ZFYVE9: variants seen among roughly 807,000 people sequenced by gnomAD.
ZFYVE9 encodes the protein zinc finger FYVE domain-containing protein 9.
In ZFYVE9, 43 loss-of-function variants were observed where a neutral mutation model predicts 126.7. The observed-to-expected ratio is 0.34, with a 90% CI of 0.27 to 0.44. The LOEUF (loss-of-function observed/expected upper bound fraction) is 0.44, where lower values mean the gene tolerates loss of function less well. ZFYVE9 is among the 20% of genes least tolerant of loss of function. The pLI is 1.00. For synonymous variants in ZFYVE9, 521 were observed against 597.4 expected, an observed-to-expected ratio of 0.87 and a Z score of 1.87; for missense variants, 1,476 against 1,697.0, an observed-to-expected ratio of 0.87 and a Z score of 2.29.
chr1:52,167,020 A>C (rs1395934555), intron 1 of ZFYVE9, among the ~76,000 whole-genome samples: 1 of 152,288 alleles, frequency 6.6e-6, no homozygotes, highest in Non-Finnish European at 1.5e-5. Context: ...TTATGTATTG[A>C]ATATGATTCC....
At position 52,340,915 on chromosome 1, in the gene ZFYVE9, A is replaced by C. The variant is rs1308927885; in HGVS notation, c.3939+684A>C. On this transcript the variant is annotated intron_variant, in intron 17 of 18. Transcript: ENST00000287727. Reference sequence around the variant, plus strand: ...GCAAGACTCCGTCTCAAAAAAAAAAAAAAAAAAAAAAAAAAAAACTAGGCC... The same window carrying C: ...GCAAGACTCCGTCTCAAAAAAAAAACAAAAAAAAAAAAAAAAAACTAGGCC... 3.8e-4 allele frequency among the ~76,000 whole-genome samples: 50 copies of C among 131,528 alleles called. 1 individual carries two copies. Among genetic ancestry groups the C allele is most frequent in the African/African-American group, 7.4e-4 (18 of 24,176 alleles). The allele number at this position is 131,528 out of a possible 152,430, so 86.3% of individuals were successfully genotyped here. A position where few individuals can be genotyped will look rare whatever the true frequency, so the allele number is the denominator to read the frequency against.
intron 2 of ZFYVE9, among the ~76,000 whole-genome samples, chr1:52,221,638 C>T (rs566906972): frequency 1.3e-5 from 2 of 152,132 alleles, no homozygotes; most frequent in Non-Finnish European, 2.9e-5. Context: ...TTCGGGCCAT[C>T]CACGGGTTAC....
At chr1:52,280,963 A>G (rs1430966552) in intron 9 of ZFYVE9, among the ~76,000 whole-genome samples, 1 of 152,156 alleles carries the variant, frequency 6.6e-6, no homozygotes, top group Non-Finnish European at 1.5e-5. Flanking sequence ...TTTTTAAAAT[A>G]TAAAGGTGGA....
chr1:52,290,628 A>G (rs1325092828), intron 10 of ZFYVE9, among the ~76,000 whole-genome samples: 5 of 152,144 alleles, frequency 3.3e-5, no homozygotes, highest in Admixed American at 2.0e-4. Context: ...TAAAGAAGCA[A>G]TGGTAAATTT....
chr1:52,334,626 A>G (rs1335269194), intron 14 of ZFYVE9, 62 bp from the exon 15 acceptor site: 5 of 1,528,104 alleles, frequency 3.3e-6, no homozygotes. Context: ...ATATTTTGTT[A>G]TTATTTTCAA....
At chr1:52,308,893 A>G (rs1202649016) in intron 13 of ZFYVE9, among the ~76,000 whole-genome samples, 1 of 152,244 alleles carries the variant, frequency 6.6e-6, no homozygotes, top group African/African-American at 2.4e-5. Flanking sequence ...ACACCCTAGT[A>G]CGGAGTGGGT....
chr1:52,252,082 A>G (rs528232441), intron 4 of ZFYVE9: 11 of 166,162 alleles, frequency 6.6e-5, no homozygotes, highest in Non-Finnish European at 1.1e-4. Context: ...TTGACATTCT[A>G]GTAAATCTTT....
chr1:52,165,359 GT>G (rs1644503295), intron 1 of ZFYVE9, among the ~76,000 whole-genome samples: 2 of 152,162 alleles, frequency 1.3e-5, no homozygotes, highest in Non-Finnish European at 1.5e-5. Context: ...AAGGCAAGTG[GT>G]TTGGTGGAGG....
At chr1:52,217,747 G>C (rs1645085394) in intron 2 of ZFYVE9, among the ~76,000 whole-genome samples, 1 of 152,208 alleles carries the variant, frequency 6.6e-6, no homozygotes, top group Admixed American at 6.5e-5. Flanking sequence ...TGATTTGCTA[G>C]GGTGGTAAGG....
chr1:52,344,165 G>C (rs1158430996), intron 17 of ZFYVE9, among the ~76,000 whole-genome samples: 3 of 152,028 alleles, frequency 2.0e-5, no homozygotes, highest in Non-Finnish European at 4.4e-5. Context: ...TAGGTCATCA[G>C]TTCCAAGTGT....
intron 10 of ZFYVE9, among the ~76,000 whole-genome samples, chr1:52,289,700 C>G (rs947743417): frequency 2.4e-4 from 37 of 152,266 alleles, no homozygotes; most frequent in Admixed American, 1.3e-3. Flanking sequence ...TTGCCAATAT[C>G]TACACCTGTG....
At position 52,313,701 on chromosome 1, in the gene ZFYVE9, C is replaced by G. The variant is rs148242430; in HGVS notation, c.3438+9776C>G. 1.5e-3 allele frequency among the ~76,000 whole-genome samples: 230 copies of G among 152,230 alleles called. 1 individual carries two copies. Among genetic ancestry groups the G allele is most frequent in the South Asian group, 0.013 (62 of 4,824 alleles). ...AAATTATGTACAGATTCAAACTGCT[C>G]TGATCCTACCTAATAAGCTTTAAAG... On this transcript the variant is annotated intron_variant, in intron 13 of 18. Coordinates refer to ENST00000287727, the MANE Select transcript of ZFYVE9 (RefSeq NM_004799.4).
chr1:52,288,925 C>CAAAAAAAAA (rs775138803), intron 10 of ZFYVE9, among the ~76,000 whole-genome samples: 1 of 62,030 alleles, frequency 1.6e-5, no homozygotes, highest in African/African-American at 5.5e-5. Flanking sequence ...GACTCTGTCT[C>CAAAAAAAAA]AAAAAAAAAA....
chr1:52,165,923 GCT>G (rs1055185062), intron 1 of ZFYVE9, among the ~76,000 whole-genome samples: 1 of 152,072 alleles, frequency 6.6e-6, no homozygotes, highest in African/African-American at 2.4e-5. Context: ...ATCCTACTTA[GCT>G]CCTCTTCTTT....
intron 7 of ZFYVE9, among the ~76,000 whole-genome samples, chr1:52,270,489 C>T (rs1348716173): frequency 1.3e-5 from 2 of 152,066 alleles, no homozygotes; most frequent in African/African-American, 4.8e-5. Context: ...TGGTCTCGAT[C>T]TCCTGACCTC....
At chr1:52,301,772 C>G (rs1249264753) in intron 12 of ZFYVE9, among the ~76,000 whole-genome samples, 1 of 152,174 alleles carries the variant, frequency 6.6e-6, no homozygotes, top group African/African-American at 2.4e-5. Flanking sequence ...CCCCTTCTCT[C>G]CCTGAAGGAG....
At chr1:52,176,486 A>C (rs1174813580) in intron 1 of ZFYVE9, among the ~76,000 whole-genome samples, 1 of 152,136 alleles carries the variant, frequency 6.6e-6, no homozygotes, top group African/African-American at 2.4e-5. Context: ...TCAGATCTCC[A>C]CCTGTGTGCT....
chr1:52,289,530 T>A (rs1207510330), intron 10 of ZFYVE9, among the ~76,000 whole-genome samples: 1 of 152,236 alleles, frequency 6.6e-6, no homozygotes, highest in Non-Finnish European at 1.5e-5. Context: ...GGGGTATATA[T>A]AAAATTAGTT....
chr1:52,271,367 A>G lies in ZFYVE9; in HGVS notation c.2625+2735A>G, dbSNP rs554104697. On this transcript the variant is annotated intron_variant, in intron 7 of 18. Coordinates refer to ENST00000287727, the MANE Select transcript of ZFYVE9 (RefSeq NM_004799.4). ...AAATATTAATATTTTTCTTATTTTT[A>G]TGGTCTAGTAGAGTGCCTGGCACTT... 5.5e-4 allele frequency among the ~76,000 whole-genome samples: 84 copies of G among 152,292 alleles called. 1 individual carries two copies. Among genetic ancestry groups the G allele is most frequent in the Admixed American group, 5.5e-3 (84 of 15,290 alleles).
Sources: gnomAD v4.1 joint callset for allele counts (sites outside exome capture counted in the v4.1 genomes callset) on GRCh38, gnomAD v4.1.1 for gene constraint, MANE v1.5 for transcripts, NCBI Gene and HGNC (gene_info 2026-07-23, HGNC 2026-07-21) for gene names.